The following MYO3A variants were observed in gnomAD, a reference collection of about 807,000 sequenced individuals.
The protein encoded by MYO3A is myosin-IIIa.
A neutral mutation model predicts 192.7 loss-of-function variants in MYO3A; 180 were observed. The ratio of observed to expected loss-of-function variants is 0.93; its 90% CI spans 0.83 to 1.06. MYO3A has a LOEUF of 1.06. Among genes scored for constraint, MYO3A ranks in the 50% least tolerant of loss-of-function variants. The pLI, the probability that MYO3A is intolerant of heterozygous loss-of-function variation, is 0.00. For synonymous variants in MYO3A, 628 were observed against 645.3 expected, an observed-to-expected ratio of 0.97 and a Z score of 0.41; for missense variants, 1,896 against 1,905.0, an observed-to-expected ratio of 1.00 and a Z score of 0.09.
intron 10 of MYO3A, among the ~76,000 whole-genome samples, chr10:26,035,270 A>ATGGC (rs1303014573): frequency 6.6e-6 from 1 of 152,212 alleles, no homozygotes; most frequent in Non-Finnish European, 1.5e-5. Context: ...TAAAAACTAA[A>ATGGC]TGGCTTTTTA....
chr10:26,135,250 G>A (rs1019499868), intron 20 of MYO3A, among the ~76,000 whole-genome samples: 7 of 151,868 alleles, frequency 4.6e-5, no homozygotes, highest in African/African-American at 1.4e-4. Context: ...AGAAGAAAAA[G>A]GTGCTCTTTC....
intron 4 of MYO3A, among the ~76,000 whole-genome samples, chr10:25,987,597 A>G (rs1839733993): frequency 6.6e-6 from 1 of 152,252 alleles, no homozygotes; most frequent in Non-Finnish European, 1.5e-5. Flanking sequence ...CAACAAGCAT[A>G]TGAAAAAATT....
At chr10:25,976,489 T>C (rs1360896717) in intron 4 of MYO3A, among the ~76,000 whole-genome samples, 1 of 152,142 alleles carries the variant, frequency 6.6e-6, no homozygotes, top group Non-Finnish European at 1.5e-5. Context: ...TTTTCAGAAA[T>C]TTGAGTAAAA....
At chr10:26,068,296 A>C (rs2131377605) in intron 11 of MYO3A, among the ~76,000 whole-genome samples, 1 of 152,252 alleles carries the variant, frequency 6.6e-6, no homozygotes, top group Admixed American at 6.5e-5. Context: ...CAACTATGAA[A>C]ATTACATTTT....
At chr10:26,164,788 G>T (rs1351617105) in intron 26 of MYO3A, among the ~76,000 whole-genome samples, 1 of 152,172 alleles carries the variant, frequency 6.6e-6, no homozygotes, top group African/African-American at 2.4e-5. Context: ...AGTAGGAAAG[G>T]TGCGGGGGCT....
chr10:26,156,831 G>A (rs1024995835), intron 25 of MYO3A, among the ~76,000 whole-genome samples: 7 of 152,012 alleles, frequency 4.6e-5, no homozygotes, highest in Non-Finnish European at 1.0e-4. Context: ...TTTCCTGATC[G>A]TCTCCCTCCT....
intron 10 of MYO3A, among the ~76,000 whole-genome samples, chr10:26,064,915 G>C (rs1521029): frequency 0.47 from 72,178 of 151,958 alleles, 17,945 homozygotes; most frequent in Middle Eastern, 0.59. Context: ...TATCAAATAA[G>C]CATTTAGATG....
chr10:26,062,040 C>T (rs1363282586), intron 10 of MYO3A, among the ~76,000 whole-genome samples: 3 of 114,744 alleles, frequency 2.6e-5, no homozygotes, highest in Admixed American at 8.2e-5. Context: ...CCATGCCAGA[C>T]GTTGTGGGGG....
At chr10:26,126,200 G>A (rs563317407) in intron 19 of MYO3A, among the ~76,000 whole-genome samples, 24 of 151,932 alleles carry the variant, frequency 1.6e-4, no homozygotes, top group Non-Finnish European at 3.1e-4. Flanking sequence ...TTACAGCCAC[G>A]ACTGACTGAG....
At chr10:26,034,547 C>T (rs1213705300) in intron 10 of MYO3A, among the ~76,000 whole-genome samples, 1 of 152,090 alleles carries the variant, frequency 6.6e-6, no homozygotes, top group Non-Finnish European at 1.5e-5. Context: ...AACAAGATAA[C>T]CTAGAGTTTG....
intron 4 of MYO3A, among the ~76,000 whole-genome samples, chr10:25,981,684 A>G (rs182648422): frequency 8.6e-4 from 131 of 152,338 alleles, no homozygotes; most frequent in African/African-American, 1.8e-3. Context: ...AAGATGGTCA[A>G]TGTTATTAGT....
chr10:25,987,098 CAT>C (rs1320901156), intron 4 of MYO3A, among the ~76,000 whole-genome samples: 1 of 152,040 alleles, frequency 6.6e-6, no homozygotes, highest in African/African-American at 2.4e-5. Context: ...CAAACAAAAA[CAT>C]AAAGTGGGGA....
intron 14 of MYO3A, among the ~76,000 whole-genome samples, chr10:26,079,940 A>G (rs182548695): frequency 5.1e-4 from 78 of 152,296 alleles, no homozygotes; most frequent in South Asian, 1.7e-3. Context: ...TCTGTCTCAC[A>G]GCTCTTAAGA....
At chr10:26,079,675 T>A (rs1039880557) in intron 14 of MYO3A, among the ~76,000 whole-genome samples, 22 of 152,344 alleles carry the variant, frequency 1.4e-4, no homozygotes, top group Middle Eastern at 3.4e-3. Flanking sequence ...CATTTCAAGA[T>A]TTAGAGCTCC....
chr10:26,134,705 C>A (rs1839748670), intron 20 of MYO3A, among the ~76,000 whole-genome samples: 1 of 152,002 alleles, frequency 6.6e-6, no homozygotes, highest in Admixed American at 6.6e-5. Flanking sequence ...AAACATAAAA[C>A]ATACTCAGTT....
At chr10:26,061,653 C>T (rs1284181890) in intron 10 of MYO3A, among the ~76,000 whole-genome samples, 1 of 152,120 alleles carries the variant, frequency 6.6e-6, no homozygotes, top group Non-Finnish European at 1.5e-5. Context: ...GATAGGGAGC[C>T]ATCTGAGGTT....
At chr10:26,059,176 A>T (rs1008702418) in intron 10 of MYO3A, among the ~76,000 whole-genome samples, 1 of 147,988 alleles carries the variant, frequency 6.8e-6, no homozygotes, top group African/African-American at 2.5e-5. Flanking sequence ...TATACCTTTT[A>T]AGTCATTTTT....
At chr10:26,030,188 G>A (rs1047864878) in intron 10 of MYO3A, among the ~76,000 whole-genome samples, 9 of 152,002 alleles carry the variant, frequency 5.9e-5, no homozygotes, top group Non-Finnish European at 1.2e-4. Flanking sequence ...TACTCTCCAG[G>A]CCTCTTTTTC....
At chr10:26,121,028 T>C (rs1838831542) in intron 18 of MYO3A, among the ~76,000 whole-genome samples, 1 of 152,100 alleles carries the variant, frequency 6.6e-6, no homozygotes, top group African/African-American at 2.4e-5. Context: ...AGACTAGGCT[T>C]TTACAACTAT....
Sources: gnomAD v4.1 joint callset for allele counts (sites outside exome capture counted in the v4.1 genomes callset) on GRCh38, gnomAD v4.1.1 for gene constraint, MANE v1.5 for transcripts, NCBI Gene and HGNC (gene_info 2026-07-23, HGNC 2026-07-21) for gene names.